Variants in APBB2 observed in about 807,000 individuals in gnomAD.
APBB2 encodes Fe65-like 1.
A neutral mutation model predicts 82.5 loss-of-function variants in APBB2; 38 were observed. The observed-to-expected ratio is 0.46, with a 90% CI of 0.36 to 0.60. The LOEUF is 0.60. Ranked by LOEUF, APBB2 falls within the 20% of genes least tolerant of loss-of-function variation. The probability of loss-of-function intolerance (pLI) is 0.00; values close to 1 mark genes in which losing one functional copy is unlikely to be tolerated. For missense variants in APBB2, 772 were observed against 972.3 expected (o/e 0.79, Z 2.74); for synonymous variants, 341 against 368.2 (o/e 0.93, Z 0.85).
chr4:41,123,919 G>A (rs1469026720), intron 2 of APBB2, among the ~76,000 whole-genome samples: 1 of 152,132 alleles, frequency 6.6e-6, no homozygotes, highest in Non-Finnish European at 1.5e-5. Flanking sequence ...TATCTGTAAA[G>A]GACCAGACAG....
intron 7 of APBB2, among the ~76,000 whole-genome samples, chr4:40,938,561 T>C (rs1785972602): frequency 6.6e-6 from 1 of 152,212 alleles, no homozygotes; most frequent in Non-Finnish European, 1.5e-5. Context: ...ATGGAGTTGA[T>C]TCTTTGACAA....
intron 6 of APBB2, among the ~76,000 whole-genome samples, chr4:40,989,079 A>G (rs961176231): frequency 6.6e-6 from 1 of 152,014 alleles, no homozygotes; most frequent in Non-Finnish European, 1.5e-5. Context: ...TTTTTTCTAG[A>G]ATTTGCAATG....
intron 12 of APBB2, among the ~76,000 whole-genome samples, chr4:40,863,579 T>C (rs144028819): frequency 1.3e-5 from 2 of 152,164 alleles, no homozygotes; most frequent in East Asian, 1.9e-4. Flanking sequence ...CATAAAAGAT[T>C]TTCAATGAGC....
intron 1 of APBB2, among the ~76,000 whole-genome samples, chr4:41,170,590 G>T (rs527468014): frequency 1.3e-5 from 2 of 152,282 alleles, no homozygotes; most frequent in East Asian, 3.9e-4. Context: ...AAAAGTCAAG[G>T]TTATGAAAGA....
chr4:40,991,781 G>GA (rs1209206757), intron 6 of APBB2, among the ~76,000 whole-genome samples: 1 of 152,054 alleles, frequency 6.6e-6, no homozygotes, highest in Non-Finnish European at 1.5e-5. Context: ...GGTTTTCTAG[G>GA]ATTTTTTTTA....
intron 2 of APBB2, among the ~76,000 whole-genome samples, chr4:41,125,971 C>G (rs754673462): frequency 1.2e-4 from 18 of 152,094 alleles, no homozygotes; most frequent in Non-Finnish European, 2.4e-4. Context: ...TAAATGAAAC[C>G]CGAGGACTCC....
chr4:41,187,673 C>T (rs1773260790), intron 1 of APBB2, among the ~76,000 whole-genome samples: 1 of 152,200 alleles, frequency 6.6e-6, no homozygotes, highest in African/African-American at 2.4e-5. Context: ...CATTTATGTA[C>T]ACACATACAC....
chr4:40,815,795 A>G lies in APBB2; in HGVS notation c.*297T>C. The G allele has an allele frequency of 3.3e-6, 1 of 300,872 alleles. No individual in the cohort carries two copies. The highest frequency in any genetic ancestry group is 2.1e-5 in the African/African-American group (1 of 47,936). The allele number at this position is 300,872 out of a possible 1,614,324, so 18.6% of individuals were successfully genotyped here. ...TTAGTTCACTAGGAGGGGTGGGGCC[A>G]CACTCTTCTCTGTGTGTGTGTGAAG... is the stretch of plus-strand genomic sequence containing the variant. On this transcript the variant is annotated 3_prime_UTR_variant, in exon 18 of 18. Transcript: ENST00000508593.
intron 2 of APBB2, among the ~76,000 whole-genome samples, chr4:41,107,156 C>A (rs915804090): frequency 6.6e-6 from 1 of 151,934 alleles, no homozygotes; most frequent in Admixed American, 6.6e-5. Flanking sequence ...CAAAAAAATA[C>A]AAAAATTAGC....
At chr4:41,025,476 T>C (rs1438306534) in intron 5 of APBB2, among the ~76,000 whole-genome samples, 3 of 152,064 alleles carry the variant, frequency 2.0e-5, no homozygotes, top group African/African-American at 7.2e-5. Context: ...AAAGCAGAAC[T>C]ACCATTCGAC....
chr4:40,914,844 T>C (rs1370807189), intron 10 of APBB2, among the ~76,000 whole-genome samples: 1 of 152,154 alleles, frequency 6.6e-6, no homozygotes. Flanking sequence ...GGGGTGGTGC[T>C]TAATTACTCT....
chr4:41,051,061 G>A (rs1290311662), intron 4 of APBB2, among the ~76,000 whole-genome samples: 1 of 150,826 alleles, frequency 6.6e-6, no homozygotes, highest in East Asian at 1.9e-4. Flanking sequence ...ACAGTCTCCT[G>A]CTTTCCTCAA....
At chr4:41,198,575 G>A in intron 1 of APBB2, among the ~76,000 whole-genome samples, 4 of 152,150 alleles carry the variant, frequency 2.6e-5, no homozygotes, top group Non-Finnish European at 4.4e-5. Flanking sequence ...ACTTGCCCAA[G>A]ATCACAGCAT....
intron 6 of APBB2, among the ~76,000 whole-genome samples, chr4:40,967,981 A>C (rs1218336160): frequency 6.6e-6 from 1 of 152,236 alleles, no homozygotes; most frequent in Admixed American, 6.5e-5. Flanking sequence ...TACATTCTTG[A>C]GATAGCTTTT....
intron 5 of APBB2, among the ~76,000 whole-genome samples, chr4:41,026,040 G>A (rs1034028968): frequency 6.6e-6 from 1 of 151,422 alleles, no homozygotes; most frequent in Non-Finnish European, 1.5e-5. Context: ...AATGTCTTTT[G>A]TAGGAACATG....
intron 10 of APBB2, among the ~76,000 whole-genome samples, chr4:40,913,493 A>G (rs1162378668): frequency 6.6e-6 from 1 of 152,196 alleles, no homozygotes; most frequent in African/African-American, 2.4e-5. Context: ...GCTCAAGTGC[A>G]AATACACTCC....
chr4:41,159,940 G>GAGA lies in APBB2; in HGVS notation c.-416-16799_-416-16798insTCT, dbSNP rs1345358273. Among the ~76,000 whole-genome samples the GAGA allele has an allele frequency of 3.1e-3, 124 of 39,972 alleles. 6 individuals are homozygous for GAGA. The highest frequency in any genetic ancestry group is 5.8e-3 in the African/African-American group (61 of 10,484). 26.2% of individuals were successfully genotyped at this position (39,972 alleles called of 152,430 possible). On this transcript the variant is annotated intron_variant, in intron 1 of 17. Transcript: ENST00000508593. Reference sequence around the variant, plus strand: ...GGAGGAGGAGGAGGAGGAGGAGGAGGAGGAGAAGGAGAAGGAGAAGGAGAA... The same window carrying GAGA: ...GGAGGAGGAGGAGGAGGAGGAGGAGGAGAAGGAGAAGGAGAAGGAGAAGGAGAA...
intron 6 of APBB2, among the ~76,000 whole-genome samples, chr4:40,997,325 T>G (rs1382201732): frequency 6.6e-6 from 1 of 152,206 alleles, no homozygotes; most frequent in Non-Finnish European, 1.5e-5. Flanking sequence ...AGACCAAACC[T>G]CTGGTGTTTC....
intron 12 of APBB2, among the ~76,000 whole-genome samples, chr4:40,884,605 C>T (rs984374120): frequency 4.0e-5 from 6 of 151,848 alleles, no homozygotes; most frequent in Non-Finnish European, 8.8e-5. Flanking sequence ...AGTGAGACCC[C>T]GTATCTACAA....
Sources: gnomAD v4.1 joint callset for allele counts (sites outside exome capture counted in the v4.1 genomes callset) on GRCh38, gnomAD v4.1.1 for gene constraint, MANE v1.5 for transcripts, NCBI Gene and HGNC (gene_info 2026-07-23, HGNC 2026-07-21) for gene names.